TPO: variants seen among roughly 807,000 people sequenced by gnomAD.
TPO encodes the protein thyroid peroxidase, also known as thyroid microsomal antigen.
A neutral mutation model predicts 96.9 loss-of-function variants in TPO; 78 were observed. The ratio of observed to expected loss-of-function variants is 0.81; its 90% confidence interval spans 0.67 to 0.97. The LOEUF (loss-of-function observed/expected upper bound fraction) is 0.97. TPO is among the 50% of genes least tolerant of loss of function. TPO has a pLI of 0.00. For missense variants in TPO, 1,252 were observed against 1,274.8 expected (o/e 0.98, Z 0.27); for synonymous variants, 547 against 538.0 (o/e 1.02, Z -0.23).
intron 15 of TPO, among the ~76,000 whole-genome samples, chr2:1,532,764 C>A: frequency 6.7e-5 from 1 of 14,894 alleles, no homozygotes. Flanking sequence ...CCCCATATCC[C>A]CCCACTGTGA....
chr2:1,543,364 T>A lies in TPO; in HGVS notation c.*890T>A, dbSNP rs1680934112. The A allele has an allele frequency of 6.6e-6, 1 of 152,196 alleles. No homozygotes were observed. The allele number at this position is 152,196 out of a possible 1,614,324, so 9.4% of individuals were successfully genotyped here. A position where few individuals can be genotyped will look rare whatever the true frequency, so the allele number is the denominator to read the frequency against. ...GACACATCTGACCTGGAGTTCTACC[T>A]GCACTAAGAGAAGAGAGTGGTAACT... On this transcript the variant is annotated 3_prime_UTR_variant, in exon 17 of 17. Coordinates refer to ENST00000329066, the MANE Select transcript of TPO (RefSeq NM_001206744.2).
chr2:1,485,294 C>A (rs1035140459), intron 9 of TPO, among the ~76,000 whole-genome samples: 6 of 152,102 alleles, frequency 3.9e-5, no homozygotes, highest in Admixed American at 6.5e-5. Context: ...TTTTCTTAAT[C>A]CAGTCTAGCA....
chr2:1,421,357 A>T (rs974053245), intron 2 of TPO, among the ~76,000 whole-genome samples: 1 of 152,248 alleles, frequency 6.6e-6, no homozygotes, highest in Non-Finnish European at 1.5e-5. Context: ...AGAGCTGTGC[A>T]AACTTCTCTC....
At chr2:1,382,986 T>C (rs944514949) in intron 1 of TPO, among the ~76,000 whole-genome samples, 7 of 151,146 alleles carry the variant, frequency 4.6e-5, no homozygotes, top group African/African-American at 1.7e-4. Context: ...TTTGGTTTTC[T>C]GTCCTTGTGA....
intron 4 of TPO, among the ~76,000 whole-genome samples, chr2:1,433,934 G>A (rs1665291484): frequency 6.6e-6 from 1 of 152,046 alleles, no homozygotes; most frequent in Non-Finnish European, 1.5e-5. Flanking sequence ...TTAAAACTTG[G>A]CAAGCTCATT....
intron 15 of TPO, among the ~76,000 whole-genome samples, chr2:1,537,946 A>C (rs1344608259): frequency 6.7e-5 from 5 of 75,156 alleles, no homozygotes; most frequent in African/African-American, 2.8e-4. Context: ...AACCTCCCGA[A>C]ATCCCCCGTA....
intron 7 of TPO, among the ~76,000 whole-genome samples, chr2:1,475,846 T>C (rs1669874959): frequency 6.6e-6 from 1 of 152,242 alleles, no homozygotes; most frequent in African/African-American, 2.4e-5. Flanking sequence ...GACCCCCAGC[T>C]GGCCTTGGGC....
intron 14 of TPO, among the ~76,000 whole-genome samples, chr2:1,506,934 G>T (rs13385523): frequency 0.14 from 20,581 of 151,800 alleles, 1,454 homozygotes; most frequent in African/African-American, 0.17. Flanking sequence ...ATTGCTTTTG[G>T]TGTTTTAGAC....
upstream of TPO, among the ~76,000 whole-genome samples, chr2:1,410,486 CTG>C (rs2148388774): frequency 6.6e-6 from 1 of 152,332 alleles, no homozygotes; most frequent in South Asian, 2.1e-4. Context: ...AGCCTCTTGT[CTG>C]TGGACAGAAC....
intron 7 of TPO, among the ~76,000 whole-genome samples, chr2:1,470,370 G>A (rs115483231): frequency 0.012 from 1,802 of 152,210 alleles, 39 homozygotes; most frequent in African/African-American, 0.042. Flanking sequence ...GACAAGGAGT[G>A]AGCCTTGGTC....
At chr2:1,405,116 C>T (rs952172608) in intron 1 of TPO, among the ~76,000 whole-genome samples, 2 of 139,644 alleles carry the variant, frequency 1.4e-5, no homozygotes, top group Non-Finnish European at 3.0e-5. Flanking sequence ...ATTCAATCAT[C>T]ATTCGCCTAT....
chr2:1,464,128 A>C (rs775532730), intron 7 of TPO, among the ~76,000 whole-genome samples: 41 of 152,182 alleles, frequency 2.7e-4, no homozygotes, highest in Non-Finnish European at 2.5e-4. Context: ...GGTGTCACTT[A>C]TGAGTGAGAA....
intron 14 of TPO, among the ~76,000 whole-genome samples, chr2:1,507,007 T>G (rs1240498072): frequency 2.0e-5 from 3 of 152,212 alleles, no homozygotes; most frequent in East Asian, 1.9e-4. Context: ...CTAGGGTTTT[T>G]ATGGTTTTAG....
chr2:1,397,115 G>A (rs767383169), intron 1 of TPO, among the ~76,000 whole-genome samples: 7 of 152,126 alleles, frequency 4.6e-5, no homozygotes, highest in African/African-American at 1.2e-4. Context: ...TAAAGATGCC[G>A]TAAGGACTCA....
At chr2:1,458,124 G>T (rs553754259) in intron 7 of TPO, among the ~76,000 whole-genome samples, 1 of 151,810 alleles carries the variant, frequency 6.6e-6, no homozygotes, top group East Asian at 1.9e-4. Flanking sequence ...TAGTGTGCAG[G>T]CACGTGTGTA....
chr2:1,496,480 C>T (rs961757199), intron 12 of TPO, 115 bp from the exon 13 acceptor site: 12 of 1,458,236 alleles, frequency 8.2e-6, no homozygotes, highest in Non-Finnish European at 1.1e-5. Flanking sequence ...CAGCAGGGCT[C>T]CCCGGCCCTG....
chr2:1,441,523 A>G (rs1208522151), intron 5 of TPO, among the ~76,000 whole-genome samples: 1 of 152,164 alleles, frequency 6.6e-6, no homozygotes, highest in Non-Finnish European at 1.5e-5. Flanking sequence ...TTTTGGTAGT[A>G]TCATTTAAAG....
At chr2:1,507,644 C>G (rs1673616933) in intron 14 of TPO, among the ~76,000 whole-genome samples, 1 of 151,664 alleles carries the variant, frequency 6.6e-6, no homozygotes, top group Non-Finnish European at 1.5e-5. Flanking sequence ...CTCTTTGAAG[C>G]AATTGTGAAT....
rs774370091 is a variant in TPO at position 1,456,283 on chromosome 2, G to T, written c.819+1G>T. ...CCAAAACCCATGTTTTCCCATACAA[G>T]TAAGTTTTAGAAAACGTTTCTATGT... On this transcript the variant is annotated splice_donor_variant, in intron 7 of 16. Coordinates refer to ENST00000329066, the MANE Select transcript of TPO (RefSeq NM_001206744.2). LOFTEE classifies it high-confidence loss of function. 1 of 1,613,952 alleles carries T rather than the reference G, an allele frequency of 6.2e-7. No homozygotes were observed. The highest frequency in any genetic ancestry group is 1.7e-5 in the Admixed American group (1 of 60,004).
Sources: gnomAD v4.1 joint callset for allele counts (sites outside exome capture counted in the v4.1 genomes callset) on GRCh38, gnomAD v4.1.1 for gene constraint, MANE v1.5 for transcripts, NCBI Gene and HGNC (gene_info 2026-07-23, HGNC 2026-07-21) for gene names.